The following PARD3 variants were observed in gnomAD, a reference collection of about 807,000 sequenced individuals.
PARD3 encodes the protein partitioning defective 3 homolog.
Under a neutral mutation model 155.4 loss-of-function variants are expected in PARD3, and 75 were observed. The observed-to-expected ratio is 0.48, with a 90% CI of 0.40 to 0.58. PARD3 has a LOEUF of 0.58. Ranked by LOEUF, PARD3 falls within the 20% of genes least tolerant of loss-of-function variation. The probability of loss-of-function intolerance (pLI) is 0.00; values close to 1 mark genes in which losing one functional copy is unlikely to be tolerated. For missense variants in PARD3, 1,642 were observed against 1,721.7 expected, an observed-to-expected ratio of 0.95 and a Z score of 0.82; for synonymous variants, 576 against 610.5, an observed-to-expected ratio of 0.94 and a Z score of 0.83.
At chr10:34,311,882 T>A (rs892108028) in intron 20 of PARD3, among the ~76,000 whole-genome samples, 1 of 152,208 alleles carries the variant, frequency 6.6e-6, no homozygotes, top group Admixed American at 6.6e-5. Flanking sequence ...TGGGTGACTG[T>A]ACCAGCCCAC....
At chr10:34,772,574 T>C (rs1405891164) in intron 1 of PARD3, among the ~76,000 whole-genome samples, 3 of 151,662 alleles carry the variant, frequency 2.0e-5, no homozygotes, top group Admixed American at 1.3e-4. Flanking sequence ...GGTGGATTAC[T>C]TGAGCTCAGG....
chr10:34,336,219 G>A lies in PARD3; in HGVS notation c.2585C>T (p.Thr862Ile). The change falls in exon 18 of 25, where the codon ACA becomes ATA. Residue 862 changes from threonine (T) to isoleucine (I), a missense_variant. Transcript: ENST00000374788. ...LGIADETKLN[T>I]VDDQKAGSPS... ...CTTACCTGCTTTCTGGTCATCCACT[G>A]TATTGAGTTTAGTCTCGTCAGCTAC... The A allele has an allele frequency of 6.2e-7, 1 of 1,612,450 alleles. No homozygotes were observed. The highest frequency in any genetic ancestry group is 8.5e-7 in the Non-Finnish European group (1 of 1,178,716).
At chr10:34,711,834 C>G (rs934967036) in intron 1 of PARD3, among the ~76,000 whole-genome samples, 1 of 152,184 alleles carries the variant, frequency 6.6e-6, no homozygotes, top group Non-Finnish European at 1.5e-5. Flanking sequence ...TCAGGATCAA[C>G]GCCCCCATTC....
In PARD3 at chr10:34,249,887, G is replaced by A. The variant is rs571597123; in HGVS notation, c.3419+19770C>T. ...TCCACCAGGCACGCTGCACATCCGA[G>A]GCCACATGCTAGGCTGCATCTAAAG... On this transcript the variant is annotated intron_variant, in intron 22 of 24. Coordinates refer to ENST00000374788, the MANE Select transcript of PARD3 (RefSeq NM_001184785.2). 1.7e-3 allele frequency among the ~76,000 whole-genome samples: 259 copies of A among 152,288 alleles called. 1 individual carries two copies. Among genetic ancestry groups the A allele is most frequent in the Non-Finnish European group, 2.9e-3 (198 of 68,026 alleles).
chr10:34,545,108 A>C (rs2083938620), intron 2 of PARD3, among the ~76,000 whole-genome samples: 1 of 152,210 alleles, frequency 6.6e-6, no homozygotes, highest in Non-Finnish European at 1.5e-5. Flanking sequence ...CTCTTCAAAA[A>C]ATAGGAAGGG....
chr10:34,636,981 G>T (rs144322436), intron 2 of PARD3, among the ~76,000 whole-genome samples: 1 of 152,176 alleles, frequency 6.6e-6, no homozygotes, highest in South Asian at 2.1e-4. Flanking sequence ...TGAGAATAAG[G>T]CATGAACTTA....
At chr10:34,323,295 C>T (rs1958488909) in intron 19 of PARD3, among the ~76,000 whole-genome samples, 1 of 151,842 alleles carries the variant, frequency 6.6e-6, no homozygotes, top group African/African-American at 2.4e-5. Context: ...GAATGATGAG[C>T]TCTTGGCAAC....
rs142608699 is a variant in PARD3, at chr10:34,568,569, T to C, written c.223-51410A>G. ...CAAAGACTACAGAGATTATATTCAT[T>C]TTCATAAGAAACAAAATTCTGAGTC... On this transcript the variant is annotated intron_variant, in intron 2 of 24. Coordinates refer to ENST00000374788, the MANE Select transcript of PARD3 (RefSeq NM_001184785.2). Among the ~76,000 whole-genome samples the C allele has an allele frequency of 2.9e-3, 437 of 152,320 alleles. 1 individual carries two copies. The highest frequency in any genetic ancestry group is 9.6e-3 in the African/African-American group (398 of 41,568).
At chr10:34,718,383 G>A (rs973998854) in intron 1 of PARD3, among the ~76,000 whole-genome samples, 7 of 151,628 alleles carry the variant, frequency 4.6e-5, no homozygotes, top group African/African-American at 7.3e-5. Context: ...AGTGAGGCTG[G>A]GCACAGTGGC....
At chr10:34,490,551 C>T (rs927113494) in intron 3 of PARD3, among the ~76,000 whole-genome samples, 1 of 152,134 alleles carries the variant, frequency 6.6e-6, no homozygotes, top group South Asian at 2.1e-4. Context: ...CTTTGCCTCC[C>T]GAAAGTGCTG....
chr10:34,342,401 A>G (rs1836923847), intron 15 of PARD3, among the ~76,000 whole-genome samples: 2 of 152,246 alleles, frequency 1.3e-5, no homozygotes, highest in Admixed American at 1.3e-4. Flanking sequence ...AATCTTGGCA[A>G]AAGTTAACAT....
intron 9 of PARD3, among the ~76,000 whole-genome samples, chr10:34,378,874 T>G (rs1173604888): frequency 6.6e-6 from 1 of 152,208 alleles, no homozygotes; most frequent in East Asian, 1.9e-4. Context: ...TCTCATTTCT[T>G]TGGCAGCTTT....
intron 2 of PARD3, among the ~76,000 whole-genome samples, chr10:34,518,546 G>A (rs1448673583): frequency 6.6e-6 from 1 of 152,160 alleles, no homozygotes; most frequent in Non-Finnish European, 1.5e-5. Flanking sequence ...ACAAAGCGGA[G>A]ACAACTTACA....
intron 2 of PARD3, among the ~76,000 whole-genome samples, chr10:34,575,867 G>C (rs1227811802): frequency 6.6e-6 from 1 of 152,128 alleles, no homozygotes; most frequent in Non-Finnish European, 1.5e-5. Flanking sequence ...TTGCACTCCA[G>C]CCTGGGTGTC....
chr10:34,344,086 T>A, intron 15 of PARD3: 1 of 962,586 alleles, frequency 1.0e-6, no homozygotes, highest in Non-Finnish European at 1.2e-6. Context: ...CTGAGATAAA[T>A]TCTAAAATGG....
At chr10:34,666,796 A>AAAAAAAATATATAT (rs1358640964) in intron 2 of PARD3, among the ~76,000 whole-genome samples, 1 of 66,958 alleles carries the variant, frequency 1.5e-5, no homozygotes. Flanking sequence ...AAAAAAAAAA[A>AAAAAAAATATATAT]ATATATATAT....
intron 14 of PARD3, among the ~76,000 whole-genome samples, chr10:34,354,079 A>G (rs1035884279): frequency 6.8e-6 from 1 of 146,932 alleles, no homozygotes; most frequent in Non-Finnish European, 1.5e-5. Context: ...GCCTTGTCTG[A>G]GGGTGACTCT....
chr10:34,783,266 T>C (rs917532853), intron 1 of PARD3, among the ~76,000 whole-genome samples: 7 of 152,158 alleles, frequency 4.6e-5, no homozygotes, highest in Non-Finnish European at 1.0e-4. Flanking sequence ...CCTCCATTTT[T>C]ATTTGGAATA....
At chr10:34,198,922 C>G (rs1588721126) in intron 22 of PARD3, among the ~76,000 whole-genome samples, 1 of 152,144 alleles carries the variant, frequency 6.6e-6, no homozygotes, top group Non-Finnish European at 1.5e-5. Flanking sequence ...TCTGGTTCAA[C>G]TTTTATGCAA....
Sources: allele counts gnomAD v4.1 joint callset (sites outside exome capture counted in the v4.1 genomes callset), GRCh38; gene constraint gnomAD v4.1.1; transcripts MANE v1.5; gene names NCBI Gene and HGNC (gene_info 2026-07-23, HGNC 2026-07-21).